The following TAFA2 variants were observed in gnomAD, a reference collection of about 807,000 sequenced individuals.
TAFA2 encodes the protein chemokine-like protein TAFA-2.
In TAFA2, 7 loss-of-function variants were observed where a neutral mutation model predicts 18.8. That is an observed-to-expected ratio of 0.37 (90% CI 0.21 to 0.70). The LOEUF (loss-of-function observed/expected upper bound fraction) is 0.70, where lower values mean the gene tolerates loss of function less well. Ranked by LOEUF, TAFA2 falls within the 30% of genes least tolerant of loss-of-function variation. The probability of loss-of-function intolerance (pLI) is 0.53; values close to 1 mark genes in which losing one functional copy is unlikely to be tolerated. For synonymous variants in TAFA2, 60 were observed against 54.2 expected, an observed-to-expected ratio of 1.11 and a Z score of -0.47; for missense variants, 122 against 158.1, an observed-to-expected ratio of 0.77 and a Z score of 1.23.
chr12:62,101,278 C>G lies in TAFA2; in HGVS notation c.-2+89981G>C, dbSNP rs112416129. Among the ~76,000 whole-genome samples the G allele has an allele frequency of 4.6e-5, 7 of 152,236 alleles. 1 individual carries two copies. The highest frequency in any genetic ancestry group is 1.7e-4 in the African/African-American group (7 of 41,532). ...ATACATACATGACTAATGGATTTAA[C>G]CAATACAGTGCCATGGCTGACATCA... On this transcript the variant is annotated intron_variant, in intron 1 of 4. Transcript: ENST00000416284.
intron 1 of TAFA2, among the ~76,000 whole-genome samples, chr12:61,949,349 C>G (rs349875): frequency 0.11 from 16,454 of 152,074 alleles, 899 homozygotes; most frequent in African/African-American, 0.12. Context: ...CACTGGCTCT[C>G]CTGATTCCCA....
chr12:61,725,887 G>A (rs915787556), intron 4 of TAFA2, among the ~76,000 whole-genome samples: 1 of 152,078 alleles, frequency 6.6e-6, no homozygotes, highest in Non-Finnish European at 1.5e-5. Flanking sequence ...AAAGGCATAA[G>A]AATGATACAA....
chr12:62,229,573 T>C (rs1457080226), intron 1 of TAFA2, among the ~76,000 whole-genome samples: 1 of 152,124 alleles, frequency 6.6e-6, no homozygotes, highest in Non-Finnish European at 1.5e-5. Flanking sequence ...CATCTAATCA[T>C]TATCAATTTT....
chr12:62,066,096 C>T (rs1248804867), intron 1 of TAFA2, among the ~76,000 whole-genome samples: 1 of 148,116 alleles, frequency 6.8e-6, no homozygotes, highest in Non-Finnish European at 1.5e-5. Flanking sequence ...AAATAAAAGG[C>T]TGGATAACAC....
At chr12:61,839,040 CAAACGGTGGAGTATTT>C (rs1385622901) in intron 2 of TAFA2, among the ~76,000 whole-genome samples, 2 of 152,012 alleles carry the variant, frequency 1.3e-5, no homozygotes, top group Non-Finnish European at 2.9e-5. Context: ...AGAAAGTGCG[CAAACGGTGGAGTATTT>C]CCTCAGACTT....
chr12:62,051,785 C>T (rs1882061611), intron 1 of TAFA2, among the ~76,000 whole-genome samples: 1 of 151,768 alleles, frequency 6.6e-6, no homozygotes, highest in African/African-American at 2.4e-5. Context: ...ATTGAAGTAT[C>T]CATGTAAGGA....
At position 61,831,518 on chromosome 12, in the gene TAFA2, C is replaced by T. The variant is rs145163957; in HGVS notation, c.106+35802G>A. Among the ~76,000 whole-genome samples, 210 of 152,158 alleles carry T rather than the reference C, an allele frequency of 1.4e-3. 4 individuals carry two copies. Among genetic ancestry groups the T allele is most frequent in the African/African-American group, 4.9e-3 (202 of 41,550 alleles). ...CAATTTTCTTCTCCTTTACCCTAAG[C>T]ACAGTGGGTTCTAGATCACCTCACT... is the stretch of plus-strand genomic sequence containing the variant. On this transcript the variant is annotated intron_variant, in intron 2 of 4. Transcript: ENST00000416284.
intron 1 of TAFA2, among the ~76,000 whole-genome samples, chr12:61,928,063 A>C (rs1877383907): frequency 6.6e-6 from 1 of 152,238 alleles, no homozygotes; most frequent in Admixed American, 6.5e-5. Flanking sequence ...AAATCCTAGA[A>C]GAAAACCTAG....
Position 61,710,286 on chromosome 12 carries a change from A to C in TAFA2, c.*120T>G, listed in dbSNP as rs1451677330. The C allele has an allele frequency of 2.3e-6, 2 of 857,708 alleles. No individual in the cohort carries two copies. Among genetic ancestry groups the C allele is most frequent in the Non-Finnish European group, 3.9e-6 (2 of 515,438 alleles). The allele number at this position is 857,708 out of a possible 1,614,324, so 53.1% of individuals were successfully genotyped here. A position where few individuals can be genotyped will look rare whatever the true frequency, so the allele number is the denominator to read the frequency against. On this transcript the variant is annotated 3_prime_UTR_variant, in exon 5 of 5. Coordinates refer to ENST00000416284, the MANE Select transcript of TAFA2 (RefSeq NM_178539.5). ...AGGCCATGAAATCCCTTGGAAATAG[A>C]CTATTGAGCGCCTCTTTCAAGTGGT...
At chr12:61,901,799 A>G (rs547047075) in intron 1 of TAFA2, among the ~76,000 whole-genome samples, 4 of 152,274 alleles carry the variant, frequency 2.6e-5, no homozygotes, top group African/African-American at 7.2e-5. Context: ...ATTGTATACC[A>G]TGCCAGTTAC....
chr12:61,715,066 C>T (rs2004138433), intron 4 of TAFA2, among the ~76,000 whole-genome samples: 1 of 152,134 alleles, frequency 6.6e-6, no homozygotes. Context: ...GTGCTTGTCC[C>T]ATTAAATGGC....
At chr12:62,248,431 C>T (rs1299992878) in intron 1 of TAFA2, among the ~76,000 whole-genome samples, 1 of 152,236 alleles carries the variant, frequency 6.6e-6, no homozygotes, top group African/African-American at 2.4e-5. Flanking sequence ...TTTAGGTAAG[C>T]TCCCTGTGCA....
intron 1 of TAFA2, among the ~76,000 whole-genome samples, chr12:62,164,794 T>C (rs566629657): frequency 2.0e-5 from 3 of 152,178 alleles, no homozygotes; most frequent in African/African-American, 7.2e-5. Flanking sequence ...AGAAAGGACA[T>C]TGAGGATCAC....
At chr12:61,914,461 T>C (rs1451215966) in intron 1 of TAFA2, among the ~76,000 whole-genome samples, 1 of 152,192 alleles carries the variant, frequency 6.6e-6, no homozygotes, top group African/African-American at 2.4e-5. Flanking sequence ...TGGAAATGCA[T>C]TCTGTAGAAA....
At chr12:61,737,736 T>C (rs1868327604) in intron 4 of TAFA2, among the ~76,000 whole-genome samples, 1 of 152,040 alleles carries the variant, frequency 6.6e-6, no homozygotes, top group South Asian at 2.1e-4. Flanking sequence ...TTGAAATAAG[T>C]ATTTTTAAAA....
chr12:61,795,219 C>T (rs1009987661), intron 2 of TAFA2, among the ~76,000 whole-genome samples: 1 of 152,148 alleles, frequency 6.6e-6, no homozygotes, highest in African/African-American at 2.4e-5. Flanking sequence ...ACCCGGCCAT[C>T]CCATTACTGG....
chr12:62,003,192 T>A (rs866426554), intron 1 of TAFA2, among the ~76,000 whole-genome samples: 21 of 152,268 alleles, frequency 1.4e-4, no homozygotes, highest in Middle Eastern at 3.4e-3. Context: ...AGGATCCTTT[T>A]AAATGTAAAT....
chr12:61,795,796 T>G lies in TAFA2; in HGVS notation c.107-40772A>C, dbSNP rs139745296. 5.2e-3 allele frequency among the ~76,000 whole-genome samples: 774 copies of G among 148,166 alleles called. 4 individuals are homozygous for G. The highest frequency in any genetic ancestry group is 0.022 in the East Asian group (107 of 4,920). On this transcript the variant is annotated intron_variant, in intron 2 of 4. Coordinates refer to ENST00000416284, the MANE Select transcript of TAFA2 (RefSeq NM_178539.5). ...AAATAAATAAAAAGAAAAAGAAAAA[T>G]AAAATAAGATTTTTTATAGAGCTAG...
At chr12:61,906,637 G>C (rs1206129784) in intron 1 of TAFA2, among the ~76,000 whole-genome samples, 1 of 150,366 alleles carries the variant, frequency 6.7e-6, no homozygotes, top group African/African-American at 2.4e-5. Flanking sequence ...TTGGAACTGG[G>C]TAACAGGCAG....
Sources: gnomAD v4.1 joint callset for allele counts (sites outside exome capture counted in the v4.1 genomes callset) on GRCh38, gnomAD v4.1.1 for gene constraint, MANE v1.5 for transcripts, NCBI Gene and HGNC (gene_info 2026-07-23, HGNC 2026-07-21) for gene names.